The following HDGFL3 variants were observed in gnomAD, a reference collection of about 807,000 sequenced individuals.
HDGFL3 encodes hepatoma-derived growth factor-related protein 3.
HDGFL3 carries 6 observed loss-of-function variants against 27.6 expected under a neutral mutation model. The observed-to-expected ratio is 0.22, with a 90% CI of 0.12 to 0.43. HDGFL3 has a LOEUF of 0.43. Ranked by LOEUF, HDGFL3 falls within the 20% of genes least tolerant of loss-of-function variation. The pLI, the probability that HDGFL3 is intolerant of heterozygous loss-of-function variation, is 1.00. For synonymous variants in HDGFL3, 88 were observed against 88.9 expected (o/e 0.99, Z 0.05); for missense variants, 207 against 250.1 (o/e 0.83, Z 1.16).
At chr15:83,143,420 G>A (rs577354107) in intron 5 of HDGFL3, among the ~76,000 whole-genome samples, 5 of 151,986 alleles carry the variant, frequency 3.3e-5, no homozygotes, top group African/African-American at 9.6e-5. Flanking sequence ...TCCTAACTAC[G>A]AAAAACACAA....
chr15:83,115,852 A>G (rs771810783), intron 3 of HDGFL3: 5 of 1,613,600 alleles, frequency 3.1e-6, no homozygotes, highest in Non-Finnish European at 3.4e-6. Flanking sequence ...TAGTGTATGC[A>G]GTTTTTGGAT....
At chr15:83,155,479 A>G (rs912973392) in intron 4 of HDGFL3, among the ~76,000 whole-genome samples, 1 of 152,378 alleles carries the variant, frequency 6.6e-6, no homozygotes, top group Admixed American at 6.5e-5. Flanking sequence ...AATCAATTCA[A>G]GTAGGTGTTT....
At chr15:83,173,231 T>C (rs2037268001) in intron 1 of HDGFL3, among the ~76,000 whole-genome samples, 1 of 152,214 alleles carries the variant, frequency 6.6e-6, no homozygotes, top group African/African-American at 2.4e-5. Context: ...AAACCATACT[T>C]CAAATACCCT....
intron 1 of HDGFL3, among the ~76,000 whole-genome samples, chr15:83,167,562 GAAAA>G (rs76337560): frequency 1.0e-5 from 1 of 99,200 alleles, no homozygotes; most frequent in Non-Finnish European, 2.2e-5. Context: ...TCCATCTCAA[GAAAA>G]AAAAAAAAAA....
chr15:83,155,901 A>G (rs2037023219), intron 4 of HDGFL3, among the ~76,000 whole-genome samples: 1 of 152,186 alleles, frequency 6.6e-6, no homozygotes, highest in South Asian at 2.1e-4. Flanking sequence ...CAGTTTCTAA[A>G]AGGTGAATAA....
chr15:83,178,049 A>T lies in HDGFL3; in HGVS notation c.85-13974T>A, dbSNP rs373987255. On this transcript the variant is annotated intron_variant, in intron 1 of 5. Coordinates refer to ENST00000299633, the MANE Select transcript of HDGFL3 (RefSeq NM_016073.4). ...AAAATGCGCAAGAGGATAATGAAGG[A>T]CAAAACCTGGATGAATACTGAAAGC... Among the ~76,000 whole-genome samples the T allele has an allele frequency of 9.8e-5, 15 of 152,320 alleles. 1 individual carries two copies. In the South Asian group the frequency reaches 1.7e-3, roughly 17 times the overall value.
chr15:83,201,220 G>C (rs558646033), intron 1 of HDGFL3, among the ~76,000 whole-genome samples: 1 of 151,630 alleles, frequency 6.6e-6, no homozygotes, highest in Non-Finnish European at 1.5e-5. Flanking sequence ...GTTGCAAACA[G>C]ACATGTTTAT....
At position 83,139,150 on chromosome 15, in the gene HDGFL3, G is replaced by A. The variant is rs1263700903; in HGVS notation, c.*120C>T. 5.5e-6 allele frequency: 3 copies of A among 540,784 alleles called. No individual in the cohort carries two copies. The highest frequency in any genetic ancestry group is 9.3e-6 in the Non-Finnish European group (3 of 323,352). The allele number at this position is 540,784 out of a possible 1,614,324, so 33.5% of individuals were successfully genotyped here. ...AATATGAATAATGTACATACAAACT[G>A]GGGTTCTGTCAATGACAACAAGGAC... is the stretch of plus-strand genomic sequence containing the variant. On this transcript the variant is annotated 3_prime_UTR_variant, in exon 6 of 6. Coordinates refer to ENST00000299633, the MANE Select transcript of HDGFL3 (RefSeq NM_016073.4).
downstream of HDGFL3, chr15:83,126,811 C>G: frequency 6.2e-7 from 1 of 1,613,978 alleles, no homozygotes; most frequent in Non-Finnish European, 8.5e-7. Context: ...TTCAAGAGCC[C>G]TATCTAAAGG....
intron 1 of HDGFL3, among the ~76,000 whole-genome samples, chr15:83,164,367 CAAAAAAAA>C (rs869303457): frequency 3.6e-4 from 14 of 38,392 alleles, no homozygotes; most frequent in South Asian, 2.6e-3. Flanking sequence ...TTAGAGTAAC[CAAAAAAAA>C]AAAAAAAAAA....
In HDGFL3 at chr15:83,190,207, C is replaced by CA. The variant is rs57723810; in HGVS notation, c.84+17123dup. On this transcript the variant is annotated intron_variant, in intron 1 of 5. Coordinates refer to ENST00000299633, the MANE Select transcript of HDGFL3 (RefSeq NM_016073.4). ...TGGGCAACAGAGCTGAACTCTGTCT[C>CA]AAAAAAAAAAAAAAAAAAGCTTGCT... Among the ~76,000 whole-genome samples, 227 of 116,484 alleles carry CA rather than the reference C, an allele frequency of 1.9e-3. 4 individuals are homozygous for CA. Among genetic ancestry groups the CA allele is most frequent in the East Asian group, 0.019 (77 of 4,160 alleles). The allele number at this position is 116,484 out of a possible 152,430, so 76.4% of individuals were successfully genotyped here.
intron 1 of HDGFL3, among the ~76,000 whole-genome samples, chr15:83,164,367 CAAAAAAAAAAAAAAAAA>C (rs869303457): frequency 2.6e-5 from 1 of 38,380 alleles, no homozygotes; most frequent in African/African-American, 9.9e-5. Context: ...TTAGAGTAAC[CAAAAAAAAAAAAAAAAA>C]AAAAAAAAAA....
intron 3 of HDGFL3, chr15:83,121,896 G>T (rs951730974): frequency 1.3e-6 from 2 of 1,565,120 alleles, no homozygotes; most frequent in African/African-American, 1.4e-5. Context: ...ACCAAGTCAA[G>T]ATTTTTTTGT....
intron 2 of HDGFL3, among the ~76,000 whole-genome samples, chr15:83,162,689 CTT>C (rs2037116209): frequency 6.6e-6 from 1 of 152,104 alleles, no homozygotes. Context: ...AAAAGTCTGT[CTT>C]GAGAGGCTTC....
At chr15:83,191,497 T>A (rs1427966284) in intron 1 of HDGFL3, among the ~76,000 whole-genome samples, 2 of 152,174 alleles carry the variant, frequency 1.3e-5, no homozygotes, top group African/African-American at 4.8e-5. Flanking sequence ...AAAGATATAA[T>A]CCAAATTCCA....
rs568609125 is a variant in HDGFL3, at chr15:83,128,830, CT to C, written c.*10439del. On this transcript the variant is annotated 3_prime_UTR_variant, in exon 6 of 6. Coordinates refer to ENST00000299633, the MANE Select transcript of HDGFL3 (RefSeq NM_016073.4). ...TCTACATCTAGACCACCACTAAGTC[CT>C]TTTTTTTTTCTTTTAAAGAGACAGG... 59 of 148,998 alleles carry C rather than the reference CT, an allele frequency of 4.0e-4. No individual in the cohort carries two copies. The highest frequency in any genetic ancestry group is 9.1e-4 in the African/African-American group (37 of 40,610). The allele number at this position is 148,998 out of a possible 1,614,324, so 9.2% of individuals were successfully genotyped here.
chr15:83,161,612 T>C (rs748768539), intron 2 of HDGFL3, among the ~76,000 whole-genome samples: 8 of 152,238 alleles, frequency 5.3e-5, no homozygotes, highest in Admixed American at 2.0e-4. Flanking sequence ...CATTCTTTTA[T>C]GAATAAATGA....
intron 2 of HDGFL3, among the ~76,000 whole-genome samples, chr15:83,159,074 C>A (rs1004947160): frequency 6.6e-6 from 1 of 152,132 alleles, no homozygotes; most frequent in Non-Finnish European, 1.5e-5. Context: ...CTCCTGACTT[C>A]AGGTGATCCA....
chr15:83,179,992 G>A (rs1596561502), intron 1 of HDGFL3: 2 of 152,348 alleles, frequency 1.3e-5, no homozygotes, highest in Non-Finnish European at 2.9e-5. Context: ...TTGTCACTTG[G>A]GGTGTGTATG....
Sources: allele counts gnomAD v4.1 joint callset (sites outside exome capture counted in the v4.1 genomes callset), GRCh38; gene constraint gnomAD v4.1.1; transcripts MANE v1.5; gene names NCBI Gene and HGNC (gene_info 2026-07-23, HGNC 2026-07-21).